The following TMEM131L variants were observed in gnomAD, a reference collection of about 807,000 sequenced individuals.
TMEM131L encodes transmembrane 131 like.
A neutral mutation model predicts 192.2 loss-of-function variants in TMEM131L; 54 were observed. The observed-to-expected ratio is 0.28, with a 90% CI of 0.23 to 0.35. The LOEUF is 0.35. Ranked by LOEUF, TMEM131L falls within the 10% of genes least tolerant of loss-of-function variation. The pLI is 1.00. For missense variants in TMEM131L, 1,888 were observed against 1,972.9 expected (o/e 0.96, Z 0.82); for synonymous variants, 701 against 704.9 (o/e 0.99, Z 0.09).
At chr4:153,624,299 A>G (rs7682035) in intron 29 of TMEM131L, among the ~76,000 whole-genome samples, 46,345 of 151,814 alleles carry the variant, frequency 0.31, 8,946 homozygotes, top group Non-Finnish European at 0.44. Context: ...TTGTATTGTT[A>G]GTAGAGACGG....
At chr4:153,495,024 T>C (rs543027530) in intron 3 of TMEM131L, among the ~76,000 whole-genome samples, 2 of 152,282 alleles carry the variant, frequency 1.3e-5, no homozygotes, top group South Asian at 2.1e-4. Flanking sequence ...AATTAGAAAG[T>C]TGGTTTTATG....
Position 153,526,954 on chromosome 4 carries a change from A to G in TMEM131L, c.240-23119A>G, listed in dbSNP as rs1205222799. Among the ~76,000 whole-genome samples the G allele has an allele frequency of 2.6e-5, 4 of 151,958 alleles. No homozygotes were observed. In the South Asian group the frequency reaches 8.3e-4, roughly 32 times the overall value. On this transcript the variant is annotated intron_variant, in intron 3 of 34. Coordinates refer to ENST00000409959, the MANE Select transcript of TMEM131L (RefSeq NM_001131007.2). ...GGGCCTTGAGAGAGGGCCTGCATTTATTGTTTATATGTATCTTTGTGTCCC... is the reference window on the plus strand; with the variant it reads ...GGGCCTTGAGAGAGGGCCTGCATTTGTTGTTTATATGTATCTTTGTGTCCC...
chr4:153,482,589 CTTTTA>C (rs1396453586), intron 3 of TMEM131L, among the ~76,000 whole-genome samples: 6 of 151,930 alleles, frequency 3.9e-5, no homozygotes, highest in Non-Finnish European at 7.4e-5. Context: ...TTCCTAAAAA[CTTTTA>C]TTTTATTTAT....
At chr4:153,531,209 A>G (rs1735877328) in intron 3 of TMEM131L, among the ~76,000 whole-genome samples, 1 of 152,104 alleles carries the variant, frequency 6.6e-6, no homozygotes, top group South Asian at 2.1e-4. Flanking sequence ...CCTCAAACAC[A>G]GATTCCTAGG....
In TMEM131L at chr4:153,603,322, A is replaced by C; in HGVS notation, c.2659A>C (p.Ile887Leu). Residue 887 changes from isoleucine to leucine, a missense_variant, in exon 24 of 35, where the codon ATT (isoleucine) becomes CTT (leucine). By Grantham distance (5) the Ile-to-Leu change is conservative. Coordinates refer to ENST00000409959, the MANE Select transcript of TMEM131L (RefSeq NM_001131007.2). ...CCTCAGTTTGTCCCTGTTGGGTGTG[A>C]TTTTAATAGCCTTCCAACAAGCACA... ...FFVSLSLLGVILIAFQQAQYI... is the reference protein window; with the variant it reads ...FFVSLSLLGVLLIAFQQAQYI... The C allele has an allele frequency of 6.2e-7, 1 of 1,613,784 alleles. No homozygotes were observed. Among genetic ancestry groups the C allele is most frequent in the South Asian group, 1.1e-5 (1 of 91,018 alleles).
intron 2 of TMEM131L, among the ~76,000 whole-genome samples, chr4:153,471,583 CAAG>C (rs1731164954): frequency 6.6e-6 from 1 of 152,190 alleles, no homozygotes; most frequent in Non-Finnish European, 1.5e-5. Context: ...GTTCTAGCTG[CAAG>C]AAGGGCAGTC....
chr4:153,528,833 A>G (rs1735686314), intron 3 of TMEM131L, among the ~76,000 whole-genome samples: 1 of 152,164 alleles, frequency 6.6e-6, no homozygotes, highest in South Asian at 2.1e-4. Context: ...CAGATAGGGT[A>G]GACTTTGAAA....
chr4:153,518,141 C>A (rs1734862666), intron 3 of TMEM131L, among the ~76,000 whole-genome samples: 2 of 152,110 alleles, frequency 1.3e-5, no homozygotes, highest in Non-Finnish European at 2.9e-5. Flanking sequence ...TTGATTCCAG[C>A]CAGGTTCCTG....
At chr4:153,475,764 G>A (rs1351208343) in intron 3 of TMEM131L, among the ~76,000 whole-genome samples, 3 of 152,010 alleles carry the variant, frequency 2.0e-5, no homozygotes. Flanking sequence ...TATTTACATA[G>A]CATTCACATT....
At chr4:153,590,804 G>C (rs1254133060) in intron 16 of TMEM131L, among the ~76,000 whole-genome samples, 1 of 151,404 alleles carries the variant, frequency 6.6e-6, no homozygotes, top group African/African-American at 2.4e-5. Context: ...GAGCCCTTCG[G>C]CTGGCTTGTG....
chr4:153,509,510 T>G (rs1414450030), intron 3 of TMEM131L, among the ~76,000 whole-genome samples: 1 of 152,102 alleles, frequency 6.6e-6, no homozygotes, highest in Non-Finnish European at 1.5e-5. Context: ...GCAGATCACT[T>G]TAGACCAGGA....
At chr4:153,618,694 T>C (rs1403976644) in intron 26 of TMEM131L, among the ~76,000 whole-genome samples, 1 of 151,892 alleles carries the variant, frequency 6.6e-6, no homozygotes, top group Non-Finnish European at 1.5e-5. Context: ...CTAGGCAGTT[T>C]AGCCTCCGAG....
chr4:153,603,496 A>C, intron 24 of TMEM131L, 44 bp downstream of exon 24: 2 of 1,552,224 alleles, frequency 1.3e-6, no homozygotes, highest in Non-Finnish European at 1.7e-6. Flanking sequence ...GCGGTTTCTC[A>C]CTTTTGATAT....
chr4:153,575,807 C>T (rs1260305911), intron 7 of TMEM131L, among the ~76,000 whole-genome samples: 3 of 152,108 alleles, frequency 2.0e-5, no homozygotes, highest in Admixed American at 2.0e-4. Flanking sequence ...GTCTAATCAG[C>T]CCAGGCTCAC....
At position 153,636,416 on chromosome 4, in the gene TMEM131L, A is replaced by G. The variant is rs780416741; in HGVS notation, c.4673A>G (p.His1558Arg). 18 of 1,614,212 alleles carry G rather than the reference A, an allele frequency of 1.1e-5. No homozygotes were observed. The highest frequency in any genetic ancestry group is 1.3e-5 in the Non-Finnish European group (15 of 1,180,028). The change falls in exon 35 of 35, where the codon CAT (histidine) becomes CGT (arginine). Residue 1558 changes from histidine (H) to arginine (R), a missense_variant. Transcript: ENST00000409959. ...NCCPINPTTE[H>R]STHMENQAVV... Reference sequence around the variant, plus strand: ...TGCCCCATCAACCCCACCACGGAACATTCGACCCACATGGAAAACCAAGCG... The same window carrying G: ...TGCCCCATCAACCCCACCACGGAACGTTCGACCCACATGGAAAACCAAGCG...
At chr4:153,475,154 A>G (rs1466604107) in intron 3 of TMEM131L, among the ~76,000 whole-genome samples, 1 of 152,212 alleles carries the variant, frequency 6.6e-6, no homozygotes, top group Non-Finnish European at 1.5e-5. Flanking sequence ...GGCAATTTGA[A>G]ATATTGGTGT....
intron 3 of TMEM131L, among the ~76,000 whole-genome samples, chr4:153,492,932 G>T (rs531839505): frequency 2.2e-4 from 33 of 152,250 alleles, no homozygotes; most frequent in South Asian, 4.2e-4. Context: ...GGGAAAGGAA[G>T]GTCAGGAATG....
At chr4:153,578,634 C>G (rs1730127105) in intron 7 of TMEM131L, among the ~76,000 whole-genome samples, 2 of 151,940 alleles carry the variant, frequency 1.3e-5, no homozygotes, top group Admixed American at 1.3e-4. Context: ...CATTCTCCTG[C>G]CTCAGCCTCC....
intron 25 of TMEM131L, among the ~76,000 whole-genome samples, chr4:153,608,785 T>G (rs182963863): frequency 3.3e-5 from 5 of 152,382 alleles, no homozygotes; most frequent in African/African-American, 1.2e-4. Context: ...AGTACAACTT[T>G]AAGCAGGTTA....
Sources: gnomAD v4.1 joint callset for allele counts (sites outside exome capture counted in the v4.1 genomes callset) on GRCh38, gnomAD v4.1.1 for gene constraint, MANE v1.5 for transcripts, NCBI Gene and HGNC (gene_info 2026-07-23, HGNC 2026-07-21) for gene names.